The following ESD variants were observed in gnomAD, a reference collection of about 807,000 sequenced individuals.
ESD encodes the protein S-formylglutathione hydrolase.
In ESD, 34 loss-of-function variants were observed where a neutral mutation model predicts 38.1. The ratio of observed to expected loss-of-function variants is 0.89; its 90% CI spans 0.68 to 1.19. The LOEUF is 1.19. ESD is among the 50% of genes most tolerant of loss of function. ESD has a pLI of 0.00. For synonymous variants in ESD, 97 were observed against 107.0 expected (o/e 0.91, Z 0.58); for missense variants, 334 against 327.2 (o/e 1.02, Z -0.16).
At chr13:46,777,392 T>C (rs2138286192) in intron 9 of ESD, 64 bp downstream of exon 9, 1 of 1,267,796 alleles carries the variant, frequency 7.9e-7, no homozygotes, top group Non-Finnish European at 1.1e-6. Context: ...TAAGAAAATA[T>C]CACAGAATCC....
chr13:46,780,099 G>T (rs1874948889), intron 7 of ESD, 66 bp from the exon 8 acceptor site: 2 of 1,057,006 alleles, frequency 1.9e-6, no homozygotes, highest in African/African-American at 1.7e-5. Context: ...ATAGATATTT[G>T]CAACTTACTT....
chr13:46,775,656 G>A (rs1158212421), intron 9 of ESD: 4 of 470,496 alleles, frequency 8.5e-6, no homozygotes, highest in East Asian at 7.0e-5. Context: ...AACGAAATCC[G>A]CTTCAAGCTA....
intron 5 of ESD, among the ~76,000 whole-genome samples, chr13:46,783,724 G>A (rs1875092203): frequency 6.6e-6 from 1 of 151,776 alleles, no homozygotes; most frequent in African/African-American, 2.4e-5. Flanking sequence ...TCCATTTCCT[G>A]AAACTTCTAG....
chr13:46,794,929 C>A (rs1875525418), intron 1 of ESD, among the ~76,000 whole-genome samples: 1 of 152,140 alleles, frequency 6.6e-6, no homozygotes, highest in Non-Finnish European at 1.5e-5. Flanking sequence ...GTGAAATAAT[C>A]TAAATCTGCA....
intron 8 of ESD, among the ~76,000 whole-genome samples, chr13:46,779,103 A>T (rs573655902): frequency 6.6e-6 from 1 of 151,848 alleles, no homozygotes; most frequent in African/African-American, 2.4e-5. Context: ...ATTTCTGCAC[A>T]AGAGTAACAT....
At chr13:46,786,063 T>G (rs541803628) in intron 4 of ESD, among the ~76,000 whole-genome samples, 2 of 152,118 alleles carry the variant, frequency 1.3e-5, no homozygotes, top group East Asian at 3.9e-4. Flanking sequence ...CTAAGATCAT[T>G]TTTAGCTATA....
chr13:46,773,961 C>A (rs2138282140), intron 9 of ESD, among the ~76,000 whole-genome samples: 1 of 152,262 alleles, frequency 6.6e-6, no homozygotes, highest in South Asian at 2.1e-4. Context: ...GGCCACCAAA[C>A]CTGTAAAATG....
intron 1 of ESD, among the ~76,000 whole-genome samples, chr13:46,795,748 T>C (rs1875550017): frequency 6.8e-6 from 1 of 146,562 alleles, no homozygotes; most frequent in African/African-American, 2.6e-5. Flanking sequence ...CACAGTCTTT[T>C]TTTTCTTCTT....
rs770132977 is a variant in ESD, at chr13:46,784,234, T to C, written c.256+18A>G. ...GATTTAGATTTTTACAAAGGATATC[T>C]AGACCACAAACACTTACGAGGGCTG... On this transcript the variant is annotated intron_variant, in intron 5 of 9. Transcript: ENST00000378720. 1 of 1,589,656 alleles carries C rather than the reference T, an allele frequency of 6.3e-7. No homozygotes were observed. Among genetic ancestry groups the C allele is most frequent in the Non-Finnish European group, 8.6e-7 (1 of 1,159,558 alleles).
chr13:46,789,814 T>G (rs920376877), intron 3 of ESD, among the ~76,000 whole-genome samples: 6 of 151,794 alleles, frequency 4.0e-5, no homozygotes, highest in Admixed American at 1.3e-4. Flanking sequence ...GTTGAGGATT[T>G]TTTTATTTTA....
intron 3 of ESD, among the ~76,000 whole-genome samples, chr13:46,789,722 A>G (rs1178501677): frequency 6.6e-6 from 1 of 151,860 alleles, no homozygotes; most frequent in Non-Finnish European, 1.5e-5. Context: ...ATCTTATTTT[A>G]CTTTCTAGAA....
chr13:46,787,705 CCTAT>C (rs1430766055), intron 3 of ESD, among the ~76,000 whole-genome samples: 4 of 151,850 alleles, frequency 2.6e-5, no homozygotes, highest in African/African-American at 4.8e-5. Flanking sequence ...AGAGTAAACA[CCTAT>C]CTTTTTATCA....
At chr13:46,787,703 C>CACCT (rs1182115268) in intron 3 of ESD, among the ~76,000 whole-genome samples, 1 of 151,858 alleles carries the variant, frequency 6.6e-6, no homozygotes, top group Non-Finnish European at 1.5e-5. Context: ...TCAGAGTAAA[C>CACCT]ACCTATCTTT....
rs114020424 is a variant in ESD, at chr13:46,793,917, G to A, written c.-55-473C>T. Among the ~76,000 whole-genome samples the A allele has an allele frequency of 3.3e-3, 500 of 152,168 alleles. 1 individual carries two copies. The highest frequency in any genetic ancestry group is 0.011 in the African/African-American group (465 of 41,504). Reference sequence around the variant, plus strand: ...TGAGGACTGAAGGACTACTACTAGGGTGACTAGAAAGGATGTATAAGAAAA... The same window carrying A: ...TGAGGACTGAAGGACTACTACTAGGATGACTAGAAAGGATGTATAAGAAAA... On this transcript the variant is annotated intron_variant, in intron 1 of 9. Transcript: ENST00000378720.
At position 46,774,717 on chromosome 13, in the gene ESD, C is replaced by T. The variant is rs191634949; in HGVS notation, c.768+2739G>A. Among the ~76,000 whole-genome samples the T allele has an allele frequency of 2.2e-3, 334 of 152,292 alleles. 1 individual carries two copies. Among genetic ancestry groups the T allele is most frequent in the Non-Finnish European group, 4.0e-3 (269 of 68,008 alleles). Reference sequence around the variant, plus strand: ...CAGGCAGTGTTTTCTTATATATTTTCCAGACCCAATTAGAAAAGCTTGGAT... The same window carrying T: ...CAGGCAGTGTTTTCTTATATATTTTTCAGACCCAATTAGAAAAGCTTGGAT... On this transcript the variant is annotated intron_variant, in intron 9 of 9. Transcript: ENST00000378720.
intron 5 of ESD, among the ~76,000 whole-genome samples, chr13:46,783,516 G>A (rs1053292890): frequency 2.0e-5 from 3 of 150,630 alleles, no homozygotes; most frequent in Non-Finnish European, 3.0e-5. Flanking sequence ...TAAAGTCTTC[G>A]TTTATGATAA....
chr13:46,783,937 G>A (rs932743985), intron 5 of ESD, among the ~76,000 whole-genome samples: 11 of 151,936 alleles, frequency 7.2e-5, no homozygotes, highest in African/African-American at 2.4e-4. Context: ...AATTTCCTAT[G>A]CATTACACAT....
intron 3 of ESD, among the ~76,000 whole-genome samples, chr13:46,789,047 G>GTTTTATTAATTAGCTAA (rs1252802012): frequency 6.6e-6 from 1 of 152,138 alleles, no homozygotes; most frequent in Non-Finnish European, 1.5e-5. Flanking sequence ...TGGGACTGAA[G>GTTTTATTAATTAGCTAA]TTTTATTAAT....
Position 46,791,330 on chromosome 13 carries a change from T to A in ESD, c.68+16A>T. On this transcript the variant is annotated intron_variant, in intron 3 of 9. Coordinates refer to ENST00000378720, the MANE Select transcript of ESD (RefSeq NM_001984.2). The stretch of plus-strand genomic sequence containing the variant: ...ACAGAATGAGGTATCTAAAATTATA[T>A]CTTCTTAATAGTTACCTGTCATGTT... The A allele has an allele frequency of 6.3e-7, 1 of 1,586,428 alleles. No individual in the cohort carries two copies. Among genetic ancestry groups the A allele is most frequent in the Non-Finnish European group, 8.6e-7 (1 of 1,159,402 alleles).
Sources: gnomAD v4.1 joint callset for allele counts (sites outside exome capture counted in the v4.1 genomes callset) on GRCh38, gnomAD v4.1.1 for gene constraint, MANE v1.5 for transcripts, NCBI Gene and HGNC (gene_info 2026-07-23, HGNC 2026-07-21) for gene names.